Variants in CYP39A1 observed in about 807,000 individuals in gnomAD.
CYP39A1 encodes the protein 24-hydroxycholesterol 7-alpha-hydroxylase.
A neutral mutation model predicts 58.1 loss-of-function variants in CYP39A1; 49 were observed. The observed-to-expected ratio is 0.84, with a 90% CI of 0.67 to 1.07. CYP39A1 has a LOEUF of 1.07. CYP39A1 is among the 50% of genes least tolerant of loss of function. The probability of loss-of-function intolerance (pLI) is 0.00; values close to 1 mark genes in which losing one functional copy is unlikely to be tolerated. For missense variants in CYP39A1, 531 were observed against 539.4 expected (o/e 0.98, Z 0.16); for synonymous variants, 209 against 187.6 (o/e 1.11, Z -0.93).
intron 7 of CYP39A1, 40 bp downstream of exon 7, chr6:46,625,378 C>T: frequency 1.5e-6 from 2 of 1,365,202 alleles, no homozygotes; most frequent in South Asian, 2.8e-5. Flanking sequence ...GACAAACATG[C>T]ATTATTAGCT....
chr6:46,558,123 G>C (rs1232225939), intron 10 of CYP39A1, among the ~76,000 whole-genome samples: 1 of 151,830 alleles, frequency 6.6e-6, no homozygotes, highest in African/African-American at 2.4e-5. Flanking sequence ...GCAAGCCAAA[G>C]GACTTACAAT....
chr6:46,627,379 G>A (rs1775378195), intron 6 of CYP39A1, among the ~76,000 whole-genome samples: 1 of 151,892 alleles, frequency 6.6e-6, no homozygotes, highest in African/African-American at 2.4e-5. Flanking sequence ...ACAAACATAA[G>A]CAATTTAGCT....
chr6:46,603,624 C>T (rs572932303), intron 7 of CYP39A1, among the ~76,000 whole-genome samples: 7 of 152,288 alleles, frequency 4.6e-5, no homozygotes, highest in African/African-American at 1.7e-4. Context: ...ATTCCTTTTT[C>T]CCGGGCACAT....
At chr6:46,568,166 G>A (rs189373960) in intron 10 of CYP39A1, among the ~76,000 whole-genome samples, 6 of 152,134 alleles carry the variant, frequency 3.9e-5, no homozygotes, top group African/African-American at 1.4e-4. Context: ...GTGATGTTGA[G>A]CATCTTTTCA....
rs371890540 is a variant in CYP39A1 at position 46,553,112 on chromosome 6, T to C, written c.1338+655A>G. 4.5e-4 allele frequency among the ~76,000 whole-genome samples: 67 copies of C among 149,650 alleles called. No homozygotes were observed. In the Middle Eastern group the frequency reaches 0.018, roughly 39 times the overall value. On this transcript the variant is annotated intron_variant, in intron 11 of 11. Coordinates refer to ENST00000275016, the MANE Select transcript of CYP39A1 (RefSeq NM_016593.5). ...AAAAAAAAGGAAAGAAATGCAATTC[T>C]GTAGCCCCTCCCCTGTTCCTACTGG...
chr6:46,609,330 G>C (rs1442633336), intron 7 of CYP39A1, among the ~76,000 whole-genome samples: 3 of 151,594 alleles, frequency 2.0e-5, no homozygotes, highest in Admixed American at 2.0e-4. Flanking sequence ...GTGAACCCGG[G>C]AGGCGGAGCT....
intron 7 of CYP39A1, among the ~76,000 whole-genome samples, chr6:46,616,156 CTTTCTTT>C (rs61203145): frequency 0.76 from 8,442 of 11,054 alleles, 3,133 homozygotes; most frequent in Middle Eastern, 1. Flanking sequence ...TTCTTTCTTT[CTTTCTTT>C]TTTCTTTCTT....
chr6:46,601,639 T>G (rs1038442233), intron 7 of CYP39A1, among the ~76,000 whole-genome samples: 1 of 151,364 alleles, frequency 6.6e-6, no homozygotes, highest in African/African-American at 2.4e-5. Flanking sequence ...CCACTATAAT[T>G]GGCATGTGGC....
intron 1 of CYP39A1, among the ~76,000 whole-genome samples, chr6:46,649,625 A>G (rs1402307098): frequency 6.6e-6 from 1 of 152,250 alleles, no homozygotes; most frequent in Non-Finnish European, 1.5e-5. Context: ...CATTTTGCTT[A>G]TAAGGCGGAA....
chr6:46,567,995 TTAA>T (rs59866224), intron 10 of CYP39A1, among the ~76,000 whole-genome samples: 50,991 of 139,634 alleles, frequency 0.37, 11,273 homozygotes, highest in African/African-American at 0.66. Context: ...ACATTTTTTT[TTAA>T]AAAAAAAACA....
intron 1 of CYP39A1, among the ~76,000 whole-genome samples, chr6:46,650,028 G>A (rs1762573753): frequency 6.6e-6 from 1 of 151,832 alleles, no homozygotes; most frequent in Non-Finnish European, 1.5e-5. Flanking sequence ...CAAGTCTACT[G>A]AGTACCTGTT....
At chr6:46,576,823 T>C (rs769275607) in intron 10 of CYP39A1, among the ~76,000 whole-genome samples, 2 of 152,128 alleles carry the variant, frequency 1.3e-5, no homozygotes, top group Non-Finnish European at 2.9e-5. Flanking sequence ...ATGAACAAAG[T>C]CTTTTAGAAA....
rs1254484233 is a variant in CYP39A1, at chr6:46,572,713, G to A, written c.1250+14364C>T. 2.0e-5 allele frequency among the ~76,000 whole-genome samples: 3 copies of A among 152,006 alleles called. No individual in the cohort carries two copies. In the South Asian group the frequency reaches 6.2e-4, roughly 31 times the overall value. On this transcript the variant is annotated intron_variant, in intron 10 of 11. Coordinates refer to ENST00000275016, the MANE Select transcript of CYP39A1 (RefSeq NM_016593.5). ...TGTAAATGTCCATATCTCTCTCAGG[G>A]TTCGGGAAAATTTGAGCCATAATTT...
intron 6 of CYP39A1, among the ~76,000 whole-genome samples, chr6:46,629,332 C>A (rs1414313444): frequency 6.6e-6 from 1 of 152,146 alleles, no homozygotes; most frequent in Non-Finnish European, 1.5e-5. Flanking sequence ...AAAAATAATT[C>A]TTTGACAGGA....
chr6:46,599,599 G>A (rs1180531146), intron 7 of CYP39A1, among the ~76,000 whole-genome samples: 3 of 152,044 alleles, frequency 2.0e-5, no homozygotes, highest in African/African-American at 7.2e-5. Flanking sequence ...TATCTTTCCC[G>A]CTATCCAACT....
At chr6:46,619,243 G>A (rs1300266851) in intron 7 of CYP39A1, among the ~76,000 whole-genome samples, 2 of 152,076 alleles carry the variant, frequency 1.3e-5, no homozygotes, top group Non-Finnish European at 2.9e-5. Flanking sequence ...TGATAGAGCT[G>A]CAAACAGAGG....
At chr6:46,609,226 C>T (rs940180669) in intron 7 of CYP39A1, among the ~76,000 whole-genome samples, 3 of 151,442 alleles carry the variant, frequency 2.0e-5, no homozygotes, top group Admixed American at 6.6e-5. Context: ...ACTGTGAAAC[C>T]CCATCTGTGC....
intron 10 of CYP39A1, chr6:46,583,286 T>C: frequency 1.0e-6 from 1 of 985,350 alleles, no homozygotes; most frequent in Non-Finnish European, 1.2e-6. Context: ...ATTTGCACAA[T>C]GACACAGCAA....
chr6:46,589,048 C>G (rs542585609), intron 8 of CYP39A1, among the ~76,000 whole-genome samples: 1 of 152,258 alleles, frequency 6.6e-6, no homozygotes, highest in Admixed American at 6.5e-5. Context: ...CACTGCCCAT[C>G]ATCATAAGCC....
Sources: gnomAD v4.1 joint callset for allele counts (sites outside exome capture counted in the v4.1 genomes callset) on GRCh38, gnomAD v4.1.1 for gene constraint, MANE v1.5 for transcripts, NCBI Gene and HGNC (gene_info 2026-07-23, HGNC 2026-07-21) for gene names.